IFT43: variants seen among roughly 807,000 people sequenced by gnomAD.
The protein encoded by IFT43 is intraflagellar transport protein 43 homolog.
A neutral mutation model predicts 32.3 loss-of-function variants in IFT43; 33 were observed. That is an observed-to-expected ratio of 1.02 (90% CI 0.77 to 1.37). The LOEUF (loss-of-function observed/expected upper bound fraction) is 1.37. Ranked by LOEUF, IFT43 falls within the 40% of genes most tolerant of loss-of-function variation. The probability of loss-of-function intolerance (pLI) is 0.00; values close to 1 mark genes in which losing one functional copy is unlikely to be tolerated. For synonymous variants in IFT43, 93 were observed against 98.2 expected (o/e 0.95, Z 0.31); for missense variants, 274 against 265.9 (o/e 1.03, Z -0.21).
In IFT43 at chr14:76,082,232, T is replaced by A. The variant is rs552884757; in HGVS notation, c.296-63T>A. ...GTGTTGAAGGGGAATGAGTAAGAAG[T>A]GGAGAAGCAGGCACAATCCCTATGA... On this transcript the variant is annotated intron_variant, in intron 5 of 8. Coordinates refer to ENST00000314067, the MANE Select transcript of IFT43 (RefSeq NM_001102564.3). The A allele has an allele frequency of 1.4e-5, 20 of 1,447,940 alleles. No individual in the cohort carries two copies. The East Asian group carries it at 1.6e-4, about 11-fold the overall frequency. The allele number at this position is 1,447,940 out of a possible 1,614,324, so 89.7% of individuals were successfully genotyped here. A position where few individuals can be genotyped will look rare whatever the true frequency, so the allele number is the denominator to read the frequency against.
chr14:76,083,660 T>C lies in IFT43; in HGVS notation c.*83T>C, dbSNP rs2037557236. ...TTGTAAGCAGCTCCGAATTTTTACC[T>C]GGAATATTTTGTAATAAAAATATTT... On this transcript the variant is annotated 3_prime_UTR_variant, in exon 9 of 9. Transcript: ENST00000314067. The C allele has an allele frequency of 7.9e-7, 1 of 1,259,876 alleles. No homozygotes were observed. The highest frequency in any genetic ancestry group is 1.1e-6 in the Non-Finnish European group (1 of 874,706). 78.0% of individuals were successfully genotyped at this position (1,259,876 alleles called of 1,614,324 possible). A position where few individuals can be genotyped will look rare whatever the true frequency, so the allele number is the denominator to read the frequency against.
At chr14:76,027,337 C>CCG in intron 3 of IFT43, among the ~76,000 whole-genome samples, 1 of 45,752 alleles carries the variant, frequency 2.2e-5, no homozygotes, top group South Asian at 6.8e-4. Context: ...CCCAACACCC[C>CCG]CCACACACAC....
Position 75,985,825 on chromosome 14 carries a change from C to A in IFT43, c.39C>A (p.Tyr13Ter). ...TCGACTTGGACGAGGAGCTTCGCTA[C>A]AGCTTGGCTACCTCCGTGAGGACCA... ...DLLDLDEELR[Y>*]SLATSRAKMG... Residue 13 changes from tyrosine (Y) to a stop codon, truncating the protein, a stop_gained, in exon 1 of 9, where the codon TAC becomes TAA. Transcript: ENST00000314067. LOFTEE classifies it high-confidence loss of function. 1 of 1,614,158 alleles carries A rather than the reference C, an allele frequency of 6.2e-7. No individual in the cohort carries two copies. The highest frequency in any genetic ancestry group is 8.5e-7 in the Non-Finnish European group (1 of 1,180,016).
intron 1 of IFT43, among the ~76,000 whole-genome samples, chr14:75,986,530 A>G (rs918057184): frequency 2.6e-5 from 4 of 152,180 alleles, no homozygotes; most frequent in African/African-American, 4.8e-5. Flanking sequence ...GTTACAGTGA[A>G]AAGGAAATGC....
At chr14:76,057,946 C>T (rs896091371) in intron 3 of IFT43, among the ~76,000 whole-genome samples, 1 of 152,078 alleles carries the variant, frequency 6.6e-6, no homozygotes, top group African/African-American at 2.4e-5. Flanking sequence ...TAGTGACCCA[C>T]TTAGATTAGA....
At chr14:76,054,065 G>C (rs2036964610) in intron 3 of IFT43, among the ~76,000 whole-genome samples, 1 of 152,146 alleles carries the variant, frequency 6.6e-6, no homozygotes, top group South Asian at 2.1e-4. Context: ...TTTCAGTTTT[G>C]CTGCTTAGCA....
At chr14:76,071,105 G>A (rs1158602856) in intron 5 of IFT43, among the ~76,000 whole-genome samples, 99 of 152,062 alleles carry the variant, frequency 6.5e-4, no homozygotes, top group East Asian at 7.7e-4. Flanking sequence ...TACCACATGC[G>A]CGTGTAGGAA....
At chr14:76,042,867 A>G (rs1452691632) in intron 3 of IFT43, among the ~76,000 whole-genome samples, 2 of 152,232 alleles carry the variant, frequency 1.3e-5, no homozygotes, top group Non-Finnish European at 2.9e-5. Context: ...AGAGTAGCCC[A>G]GAGCGAGGCA....
chr14:75,988,059 C>G (rs572145538), intron 1 of IFT43, among the ~76,000 whole-genome samples: 4 of 152,220 alleles, frequency 2.6e-5, no homozygotes, highest in Non-Finnish European at 5.9e-5. Flanking sequence ...TTACCACCTT[C>G]TTCTCTGACC....
chr14:76,074,482 C>T lies in IFT43; in HGVS notation c.296-7813C>T, dbSNP rs557449207. Among the ~76,000 whole-genome samples the T allele has an allele frequency of 2.0e-5, 3 of 152,268 alleles. No homozygotes were observed. The South Asian group carries it at 6.2e-4, about 32-fold the overall frequency. On this transcript the variant is annotated intron_variant, in intron 5 of 8. Coordinates refer to ENST00000314067, the MANE Select transcript of IFT43 (RefSeq NM_001102564.3). ...TAAAGGTCACCTGGGCAGGTGACGC[C>T]AGGGTCCTCTTCAGAATGGGGTCAT...
intron 3 of IFT43, among the ~76,000 whole-genome samples, chr14:76,023,361 C>T (rs1298782451): frequency 1.3e-5 from 2 of 152,158 alleles, no homozygotes; most frequent in Non-Finnish European, 2.9e-5. Context: ...TGGTGACAGC[C>T]GCAGGTACTG....
intron 3 of IFT43, among the ~76,000 whole-genome samples, chr14:76,031,891 C>A (rs756164583): frequency 6.6e-6 from 1 of 152,180 alleles, no homozygotes; most frequent in Non-Finnish European, 1.5e-5. Flanking sequence ...TGATCTCAAC[C>A]CAGTCTCAGG....
intron 2 of IFT43, among the ~76,000 whole-genome samples, chr14:76,019,900 A>G (rs777866439): frequency 1.3e-4 from 19 of 149,914 alleles, no homozygotes; most frequent in Admixed American, 4.0e-4. Flanking sequence ...CAGGATTTCT[A>G]TTTGGTTCTT....
intron 5 of IFT43, among the ~76,000 whole-genome samples, chr14:76,064,668 C>T (rs2037198447): frequency 6.6e-6 from 1 of 152,172 alleles, no homozygotes; most frequent in Non-Finnish European, 1.5e-5. Context: ...TTTGGACAGC[C>T]TCAGTCCCCA....
chr14:75,994,033 A>C (rs2035694029), intron 2 of IFT43, among the ~76,000 whole-genome samples: 2 of 152,200 alleles, frequency 1.3e-5, no homozygotes, highest in Admixed American at 1.3e-4. Flanking sequence ...GGAGGTGAGT[A>C]GAATGGCTCT....
chr14:76,041,711 C>A (rs369967579), intron 3 of IFT43, among the ~76,000 whole-genome samples: 20 of 151,374 alleles, frequency 1.3e-4, no homozygotes, highest in African/African-American at 4.1e-4. Flanking sequence ...TTGTTGGTAT[C>A]TTTTACCCAC....
chr14:76,082,204 G>A (rs1594870925), intron 5 of IFT43, 91 bp from the exon 6 acceptor site: 1 of 1,142,350 alleles, frequency 8.8e-7, no homozygotes, highest in Non-Finnish European at 1.3e-6. Flanking sequence ...CCCCATGGCT[G>A]GTGTGTTGAA....
At chr14:76,042,990 C>G (rs2036735509) in intron 3 of IFT43, among the ~76,000 whole-genome samples, 1 of 152,172 alleles carries the variant, frequency 6.6e-6, no homozygotes, top group Admixed American at 6.5e-5. Context: ...GTCAGGACAT[C>G]TGCCTGTGCA....
intron 5 of IFT43, among the ~76,000 whole-genome samples, chr14:76,068,067 A>T (rs2037256910): frequency 6.6e-6 from 1 of 152,222 alleles, no homozygotes; most frequent in Non-Finnish European, 1.5e-5. Flanking sequence ...TCCATAGCTG[A>T]CAACAGTTTA....
Sources: gnomAD v4.1 joint callset for allele counts (sites outside exome capture counted in the v4.1 genomes callset) on GRCh38, gnomAD v4.1.1 for gene constraint, MANE v1.5 for transcripts, NCBI Gene and HGNC (gene_info 2026-07-23, HGNC 2026-07-21) for gene names.